The following SCRIB variants were observed in gnomAD, a reference collection of about 807,000 sequenced individuals.
The protein encoded by SCRIB is protein scribble homolog.
In SCRIB, 72 loss-of-function variants were observed where a neutral mutation model predicts 170.0. The ratio of observed to expected loss-of-function variants is 0.42; its 90% CI spans 0.35 to 0.52. The LOEUF is 0.52. Among genes scored for constraint, SCRIB ranks in the 20% least tolerant of loss-of-function variants. The probability of loss-of-function intolerance (pLI) is 0.02; values close to 1 mark genes in which losing one functional copy is unlikely to be tolerated. For missense variants in SCRIB, 2,475 were observed against 2,338.5 expected, an observed-to-expected ratio of 1.06 and a Z score of -1.20; for synonymous variants, 1,298 against 1,044.3, an observed-to-expected ratio of 1.24 and a Z score of -4.68.
At position 143,812,685 on chromosome 8, in the gene SCRIB, G is replaced by A. The variant is rs530021705; in HGVS notation, c.787+132C>T. The stretch of plus-strand genomic sequence containing the variant: ...CCAGGGTCCCACCTCCCCTCCCCAG[G>A]GACAGCTCCCAGAGCCTGGGCACAC... On this transcript the variant is annotated intron_variant, in intron 8 of 36. Transcript: ENST00000356994. 9.7e-5 allele frequency: 123 copies of A among 1,262,486 alleles called. 3 individuals carry two copies. The South Asian group carries it at 1.6e-3, about 17-fold the overall frequency. 78.2% of individuals were successfully genotyped at this position (1,262,486 alleles called of 1,614,324 possible).
At chr8:143,794,084 T>C in intron 27 of SCRIB, 122 bp from the exon 28 acceptor site, 1 of 872,558 alleles carries the variant, frequency 1.1e-6, no homozygotes, top group South Asian at 1.6e-5. Flanking sequence ...CCAACCTGAC[T>C]ATAGCCCAGG....
chr8:143,805,400 G>A lies in SCRIB; in HGVS notation c.2382C>T (p.His794=), dbSNP rs1554636315. The change falls in exon 19 of 37, where the codon CAC becomes CAT. Residue 794 remains histidine, a synonymous_variant. Transcript: ENST00000356994. The part of the protein sequence containing the change: ...NGVALQGAEH[H]EAVEALRGAG... Reference sequence around the variant, plus strand: ...CCCCCCGGAGCGCCTCCACGGCCTCGTGGTGCTCGGCGCCCTGCAGAGCCA... The same window carrying A: ...CCCCCCGGAGCGCCTCCACGGCCTCATGGTGCTCGGCGCCCTGCAGAGCCA... 7 of 1,537,054 alleles carry A rather than the reference G, an allele frequency of 4.6e-6. No individual in the cohort carries two copies. The highest frequency in any genetic ancestry group is 1.7e-4 in the Middle Eastern group (1 of 5,966).
chr8:143,812,426 C>T (rs1156681041), intron 8 of SCRIB, 42 bp from the exon 9 acceptor site: 5 of 1,451,362 alleles, frequency 3.4e-6, no homozygotes, highest in Non-Finnish European at 4.8e-6. Context: ...AGCATGGTCC[C>T]CAGACGTGCC....
intron 24 of SCRIB, among the ~76,000 whole-genome samples, chr8:143,798,375 A>AGGATGCGGACTGTATGTCCC (rs1554634424): frequency 6.6e-6 from 1 of 152,020 alleles, no homozygotes; most frequent in Non-Finnish European, 1.5e-5. Context: ...CTGAGAACAC[A>AGGATGCGGACTGTATGTCCC]GGATGCGGAC....
intron 24 of SCRIB, among the ~76,000 whole-genome samples, chr8:143,800,809 G>A (rs1370032181): frequency 6.6e-6 from 1 of 152,264 alleles, no homozygotes; most frequent in Non-Finnish European, 1.5e-5. Flanking sequence ...CCGGCAGGGC[G>A]AGCCTGCGGC....
intron 27 of SCRIB, chr8:143,794,167 G>A: frequency 1.7e-6 from 1 of 571,560 alleles, no homozygotes; most frequent in Non-Finnish European, 3.1e-6. Context: ...CCTGGGCTGG[G>A]CAGCTGCTGT....
chr8:143,791,280 A>T lies in SCRIB; in HGVS notation c.4851T>A (p.Ala1617=), dbSNP rs782189698. The T allele has an allele frequency of 3.9e-6, 6 of 1,547,612 alleles. No individual in the cohort carries two copies. The East Asian group carries it at 1.4e-4, about 36-fold the overall frequency. Residue 1617 remains alanine (A), a synonymous_variant, in exon 37 of 37, where the codon GCT becomes GCA. Coordinates refer to ENST00000356994, the MANE Select transcript of SCRIB (RefSeq NM_182706.5). ...PGPQEEDGEV[A]LVLLGRPSPG... is the part of the protein sequence containing the mutation. ...GTGAGGGCCTGCCCAGAAGCACCAG[A>T]GCCACTTCTCCATCCTCCTCCTGCG...
rs782056508 is a variant in SCRIB at position 143,791,831 on chromosome 8, C to T, written c.4695+45G>A. 4.6e-6 allele frequency: 7 copies of T among 1,531,298 alleles called. No individual in the cohort carries two copies. In the African/African-American group the frequency reaches 9.7e-5, roughly 21 times the overall value. The allele number at this position is 1,531,298 out of a possible 1,614,324, so 94.9% of individuals were successfully genotyped here. On this transcript the variant is annotated intron_variant, in intron 34 of 36. Transcript: ENST00000356994. ...GGTGGGGGCAGGCCAGACCCCACCC[C>T]CATGCCTCGGGGGTGAAGGGAAGGC...
rs200871892 is a variant in SCRIB at position 143,809,042 on chromosome 8, G to A, written c.1699-17C>T. The A allele has an allele frequency of 1.4e-5, 22 of 1,599,104 alleles. No individual in the cohort carries two copies. The East Asian group carries it at 2.5e-4, about 18-fold the overall frequency. On this transcript the variant is annotated splice_polypyrimidine_tract_variant and intron_variant, in intron 14 of 36. Transcript: ENST00000356994. ...CACCGTGGGCTGTGCGGACAAAAGG[G>A]TGAGGGTGGCCCCAGCTCTGTGGCT...
In SCRIB at chr8:143,810,961, G is replaced by A. The variant is rs375603798; in HGVS notation, c.1218C>T (p.Thr406=). 198 of 1,611,758 alleles carry A rather than the reference G, an allele frequency of 1.2e-4. No homozygotes were observed. Among genetic ancestry groups the A allele is most frequent in the Non-Finnish European group, 1.4e-4 (171 of 1,179,590 alleles). Residue 406 remains threonine (T), a synonymous_variant, in exon 11 of 37, where the codon ACC becomes ACT. Transcript: ENST00000356994. The stretch of plus-strand genomic sequence containing the variant: ...AGTAGCAGGTGAGCACCTTCTCGCC[G>A]GTCCGGGCATCATCCTCCGTCTGGA... ...LRFQTEDDAR[T]GEKVLTCYLL...
chr8:143,812,601 C>T (rs1304424024), intron 8 of SCRIB, among the ~76,000 whole-genome samples: 1 of 152,174 alleles, frequency 6.6e-6, no homozygotes, highest in Non-Finnish European at 1.5e-5. Flanking sequence ...CTTCCGCCCT[C>T]ACAGACTCCA....
intron 8 of SCRIB, 28 bp from the exon 9 acceptor site, chr8:143,812,412 G>T (rs780081367): frequency 6.6e-7 from 1 of 1,523,654 alleles, no homozygotes; most frequent in Non-Finnish European, 9.1e-7. Context: ...GGGGGACAAG[G>T]CTGAGCATGG....
intron 24 of SCRIB, among the ~76,000 whole-genome samples, chr8:143,803,112 CAA>C (rs782714727): frequency 6.6e-6 from 1 of 152,180 alleles, no homozygotes; most frequent in Non-Finnish European, 1.5e-5. Flanking sequence ...TAGTGCGTCC[CAA>C]ACACACGCCC....
rs779976832 is a variant in SCRIB at position 143,810,530 on chromosome 8, G to A, written c.1479C>T (p.Ser493=). The A allele has an allele frequency of 1.6e-5, 26 of 1,612,826 alleles. No individual in the cohort carries two copies. The South Asian group carries it at 2.0e-4, about 12-fold the overall frequency. ...VMKRSIEGRR[S]EACPCQPDSG... The stretch of plus-strand genomic sequence containing the variant: ...AGTCTGGCTGGCAAGGGCAGGCCTC[G>A]CTCCGCCGCCCCTCGATGCTCCTCT... The change falls in exon 13 of 37, where the codon AGC becomes AGT. Residue 493 remains serine, a synonymous_variant. Coordinates refer to ENST00000356994, the MANE Select transcript of SCRIB (RefSeq NM_182706.5).
intron 1 of SCRIB, 113 bp from the exon 2 acceptor site, chr8:143,814,231 G>A (rs914912653): frequency 6.0e-6 from 5 of 838,474 alleles, no homozygotes; most frequent in Non-Finnish European, 9.4e-6. Context: ...GTCTGCTCCA[G>A]GTCACACCGG....
chr8:143,809,441 C>G lies in SCRIB; in HGVS notation c.1698+110G>C. On this transcript the variant is annotated intron_variant, in intron 14 of 36. Coordinates refer to ENST00000356994, the MANE Select transcript of SCRIB (RefSeq NM_182706.5). Reference sequence around the variant, plus strand: ...ACAGGGCAGCTCCCCGAAGCATCAGCAGGGCCCAGGCACTGCCTGCACCAA... The same window carrying G: ...ACAGGGCAGCTCCCCGAAGCATCAGGAGGGCCCAGGCACTGCCTGCACCAA... 3 of 1,245,236 alleles carry G rather than the reference C, an allele frequency of 2.4e-6. No homozygotes were observed. In the East Asian group the frequency reaches 7.0e-5, roughly 29 times the overall value. 77.1% of individuals were successfully genotyped at this position (1,245,236 alleles called of 1,614,324 possible).
intron 21 of SCRIB, 128 bp downstream of exon 21, chr8:143,804,440 G>A (rs1554635836): frequency 5.9e-6 from 6 of 1,010,482 alleles, no homozygotes; most frequent in South Asian, 1.9e-5. Context: ...AGGAGCTGCA[G>A]GGGAAAGGGC....
intron 20 of SCRIB, 42 bp downstream of exon 20, chr8:143,804,892 A>AGGGGGGATGGGTGGGTGGGGCGGGGCT: frequency 7.5e-6 from 1 of 133,314 alleles, no homozygotes; most frequent in Non-Finnish European, 1.2e-5. Context: ...GGGGCGGGGC[A>AGGGGGGATGGGTGGGTGGGGCGGGGCT]GGGGGGATGG....
intron 27 of SCRIB, 79 bp downstream of exon 27, chr8:143,794,959 G>A: frequency 2.8e-6 from 4 of 1,412,208 alleles, no homozygotes; most frequent in Admixed American, 3.5e-5. Flanking sequence ...CTCCCGGATG[G>A]CCCTGGCGTT....
Sources: allele counts gnomAD v4.1 joint callset (sites outside exome capture counted in the v4.1 genomes callset), GRCh38; gene constraint gnomAD v4.1.1; transcripts MANE v1.5; gene names NCBI Gene and HGNC (gene_info 2026-07-23, HGNC 2026-07-21).